Variants in ENPP6 observed in about 807,000 individuals in gnomAD.
The protein encoded by ENPP6 is glycerophosphocholine cholinephosphodiesterase ENPP6.
A neutral mutation model predicts 42.0 loss-of-function variants in ENPP6; 32 were observed. The observed-to-expected ratio is 0.76, with a 90% CI of 0.58 to 1.02. The LOEUF (loss-of-function observed/expected upper bound fraction) is 1.02. Ranked by LOEUF, ENPP6 falls within the 50% of genes least tolerant of loss-of-function variation. The pLI, the probability that ENPP6 is intolerant of heterozygous loss-of-function variation, is 0.00. For synonymous variants in ENPP6, 213 were observed against 216.0 expected (o/e 0.99, Z 0.12); for missense variants, 552 against 566.8 (o/e 0.97, Z 0.27).
At chr4:184,210,691 CA>C (rs1220358402) in intron 1 of ENPP6, among the ~76,000 whole-genome samples, 4 of 143,692 alleles carry the variant, frequency 2.8e-5, no homozygotes, top group South Asian at 2.4e-4. Context: ...GACAGAAAGT[CA>C]ACAAGGATAC....
intron 1 of ENPP6, among the ~76,000 whole-genome samples, chr4:184,169,291 C>T (rs1330073781): frequency 1.3e-5 from 2 of 151,618 alleles, no homozygotes; most frequent in East Asian, 1.9e-4. Context: ...CCAGGCTGGG[C>T]GGGAGGATTC....
rs544083740 is a variant in ENPP6, at chr4:184,206,415, G to A, written c.241+11164C>T. 3.5e-3 allele frequency among the ~76,000 whole-genome samples: 389 copies of A among 111,298 alleles called. 19 individuals carry two copies. Among genetic ancestry groups the A allele is most frequent in the African/African-American group, 0.013 (374 of 27,764 alleles). 73.0% of individuals were successfully genotyped at this position (111,298 alleles called of 152,430 possible). A position where few individuals can be genotyped will look rare whatever the true frequency, so the allele number is the denominator to read the frequency against. ...TGGGACTACAGGCGGGCGCCACCAG[G>A]CCCGGCTAATTTTTGTATTTTTAGT... is the stretch of plus-strand genomic sequence containing the variant. On this transcript the variant is annotated intron_variant, in intron 1 of 7. Coordinates refer to ENST00000296741, the MANE Select transcript of ENPP6 (RefSeq NM_153343.4).
intron 5 of ENPP6, among the ~76,000 whole-genome samples, chr4:184,116,560 C>A (rs531528520): frequency 1.3e-5 from 2 of 151,882 alleles, no homozygotes; most frequent in East Asian, 1.9e-4. Context: ...ATGGAGAAAC[C>A]CTGTCTCTAC....
At position 184,215,782 on chromosome 4, in the gene ENPP6, T is replaced by A. The variant is rs568480516; in HGVS notation, c.241+1797A>T. Among the ~76,000 whole-genome samples the A allele has an allele frequency of 3.3e-5, 5 of 152,282 alleles. No homozygotes were observed. In the South Asian group the frequency reaches 1.0e-3, roughly 32 times the overall value. ...CCTCAGTTTGAAAGCAAGGGTGAGATCTTTGTCAGACACTCACGGGACCTG... is the reference window on the plus strand; with the variant it reads ...CCTCAGTTTGAAAGCAAGGGTGAGAACTTTGTCAGACACTCACGGGACCTG... On this transcript the variant is annotated intron_variant, in intron 1 of 7. Transcript: ENST00000296741.
At chr4:184,205,676 G>T (rs563269353) in intron 1 of ENPP6, among the ~76,000 whole-genome samples, 95 of 152,250 alleles carry the variant, frequency 6.2e-4, no homozygotes, top group African/African-American at 2.1e-3. Flanking sequence ...AAACAGGGCT[G>T]CTCTAGTTGT....
intron 2 of ENPP6, among the ~76,000 whole-genome samples, chr4:184,138,459 G>A (rs1281309928): frequency 1.3e-5 from 2 of 152,168 alleles, no homozygotes; most frequent in African/African-American, 4.8e-5. Flanking sequence ...TTTGTTACTG[G>A]ATTCACTCAC....
At chr4:184,214,707 C>G (rs918613224) in intron 1 of ENPP6, among the ~76,000 whole-genome samples, 1 of 152,182 alleles carries the variant, frequency 6.6e-6, no homozygotes, top group Non-Finnish European at 1.5e-5. Flanking sequence ...TAGAAGCCAT[C>G]ATTTTCAGCA....
intron 1 of ENPP6, chr4:184,216,745 CTG>C (rs1216981791): frequency 6.6e-6 from 1 of 152,204 alleles, no homozygotes; most frequent in African/African-American, 2.4e-5. Flanking sequence ...GAATCCAACT[CTG>C]TGAGCAGAGA....
chr4:184,106,904 C>T (rs1301679445), intron 6 of ENPP6, among the ~76,000 whole-genome samples: 6 of 152,200 alleles, frequency 3.9e-5, no homozygotes, highest in African/African-American at 1.2e-4. Context: ...ACACGGCCTT[C>T]ACGGTCGGGG....
intron 7 of ENPP6, among the ~76,000 whole-genome samples, chr4:184,093,629 A>T (rs1310960068): frequency 3.0e-5 from 4 of 132,446 alleles, no homozygotes; most frequent in Non-Finnish European, 6.4e-5. Flanking sequence ...ACAGAGCAAG[A>T]CTCTGTCTCA....
intron 6 of ENPP6, among the ~76,000 whole-genome samples, chr4:184,098,569 C>T (rs771045416): frequency 6.6e-6 from 1 of 152,206 alleles, no homozygotes; most frequent in Non-Finnish European, 1.5e-5. Flanking sequence ...GGCACCTTTG[C>T]TCCCCTTGTC....
chr4:184,117,850 T>G lies in ENPP6; in HGVS notation c.584A>C (p.Glu195Ala). 1 of 1,614,202 alleles carries G rather than the reference T, an allele frequency of 6.2e-7. No homozygotes were observed. Among genetic ancestry groups the G allele is most frequent in the Non-Finnish European group, 8.5e-7 (1 of 1,180,038 alleles). Reference protein sequence around the residue: ...AAIYHERIDVEGHHYGPASPQ... With the variant: ...AAIYHERIDVAGHHYGPASPQ... The stretch of plus-strand genomic sequence containing the variant: ...AGATGCAGGCCCGTAGTGGTGGCCT[T>G]CCACGTCAATGCGCTCATGGTATAT... Residue 195 changes from glutamate (E) to alanine (A), a missense_variant, in exon 4 of 8, where the codon GAA becomes GCA. Coordinates refer to ENST00000296741, the MANE Select transcript of ENPP6 (RefSeq NM_153343.4).
intron 5 of ENPP6, among the ~76,000 whole-genome samples, chr4:184,114,636 G>A (rs1181041108): frequency 6.6e-6 from 1 of 152,008 alleles, no homozygotes; most frequent in Non-Finnish European, 1.5e-5. Flanking sequence ...CAACTGCTTT[G>A]GCTGCCTGCA....
At chr4:184,213,260 G>A (rs1284982878) in intron 1 of ENPP6, among the ~76,000 whole-genome samples, 1 of 151,918 alleles carries the variant, frequency 6.6e-6, no homozygotes, top group African/African-American at 2.4e-5. Context: ...AAACTGAAGA[G>A]CTTCTGCACA....
intron 2 of ENPP6, among the ~76,000 whole-genome samples, chr4:184,133,134 T>C (rs527354608): frequency 8.6e-5 from 13 of 151,206 alleles, no homozygotes; most frequent in African/African-American, 2.9e-4. Context: ...CTGCACTTCA[T>C]ATAAATTTTA....
chr4:184,120,661 C>T (rs1422201504), intron 3 of ENPP6, among the ~76,000 whole-genome samples: 2 of 152,200 alleles, frequency 1.3e-5, no homozygotes, highest in Non-Finnish European at 2.9e-5. Flanking sequence ...ATCACAAACC[C>T]TGCTTCCTTT....
Position 184,152,374 on chromosome 4 carries a change from C to T in ENPP6, c.421+1180G>A, listed in dbSNP as rs151107350. On this transcript the variant is annotated intron_variant, in intron 2 of 7. Coordinates refer to ENST00000296741, the MANE Select transcript of ENPP6 (RefSeq NM_153343.4). ...GCCTTCACCCCCTCTCCACTGCCCC[C>T]TCCCTGCAGACTACACATCTCACAA... Among the ~76,000 whole-genome samples, 334 of 152,282 alleles carry T rather than the reference C, an allele frequency of 2.2e-3. 1 individual carries two copies. Among genetic ancestry groups the T allele is most frequent in the Non-Finnish European group, 4.1e-3 (278 of 68,012 alleles).
At chr4:184,125,347 A>T (rs140189748) in intron 2 of ENPP6, among the ~76,000 whole-genome samples, 2 of 152,220 alleles carry the variant, frequency 1.3e-5, no homozygotes, top group African/African-American at 4.8e-5. Flanking sequence ...AAGGGTTCAG[A>T]GAACTTCTGA....
At chr4:184,101,618 C>G (rs768419349) in intron 6 of ENPP6, among the ~76,000 whole-genome samples, 1 of 152,156 alleles carries the variant, frequency 6.6e-6, no homozygotes, top group Non-Finnish European at 1.5e-5. Flanking sequence ...ACCAACTCTC[C>G]TGGTTTGCAG....
Sources: gnomAD v4.1 joint callset for allele counts (sites outside exome capture counted in the v4.1 genomes callset) on GRCh38, gnomAD v4.1.1 for gene constraint, MANE v1.5 for transcripts, NCBI Gene and HGNC (gene_info 2026-07-23, HGNC 2026-07-21) for gene names.